ZNF475: variants seen among roughly 807,000 people sequenced by gnomAD.
ZNF475 encodes the protein zinc finger protein 475.
At chr5:122,173,087 T>A in the ZNF475 span, among the ~76,000 whole-genome samples, 1 of 152,190 alleles carries the variant, frequency 6.6e-6, no homozygotes, top group Non-Finnish European at 1.5e-5. Context: ...TTTGTAAAAC[T>A]GCTAGTAATG....
At chr5:122,165,030 A>C in the ZNF475 span, among the ~76,000 whole-genome samples, 1 of 152,216 alleles carries the variant, frequency 6.6e-6, no homozygotes, top group Non-Finnish European at 1.5e-5. Context: ...GGTCATTCCC[A>C]CTGTTAGGGC....
chr5:122,172,543 A>AT, the ZNF475 span, among the ~76,000 whole-genome samples: 426 of 152,238 alleles, frequency 2.8e-3, no homozygotes, highest in African/African-American at 9.0e-3. Context: ...ATACATATGC[A>AT]TTTTTCTGGG....
the ZNF475 span, chr5:122,160,238 C>G: frequency 4.7e-6 from 6 of 1,289,830 alleles, no homozygotes; most frequent in Non-Finnish European, 6.1e-6. Flanking sequence ...CCATGGCTCT[C>G]ACATCGACAG....
the ZNF475 span, among the ~76,000 whole-genome samples, chr5:122,168,582 C>T: frequency 1.3e-5 from 2 of 152,222 alleles, no homozygotes; most frequent in African/African-American, 2.4e-5. Context: ...GCATGGCGGC[C>T]GGCGCCTGTA....
the ZNF475 span, chr5:122,179,823 A>G: frequency 1.1e-6 from 1 of 945,542 alleles, no homozygotes; most frequent in African/African-American, 1.7e-5. Flanking sequence ...ACTTGTTCAA[A>G]CGACCAAAAT....
the ZNF475 span, among the ~76,000 whole-genome samples, chr5:122,166,198 C>G: frequency 6.6e-6 from 1 of 152,124 alleles, no homozygotes; most frequent in Non-Finnish European, 1.5e-5. Flanking sequence ...ACAAGGGGAG[C>G]CTTTCAGTAT....
chr5:122,181,587 C>A, the ZNF475 span, among the ~76,000 whole-genome samples: 1 of 152,066 alleles, frequency 6.6e-6, no homozygotes, highest in Non-Finnish European at 1.5e-5. Flanking sequence ...TTGTGTGAAC[C>A]ATTAGATAGA....
the ZNF475 span, among the ~76,000 whole-genome samples, chr5:122,173,476 G>C: frequency 1.3e-5 from 2 of 152,272 alleles, no homozygotes; most frequent in South Asian, 4.1e-4. Flanking sequence ...ACAATGAAGG[G>C]ATGGATGCCA....
the ZNF475 span, chr5:122,179,842 T>C: frequency 2.7e-6 from 2 of 737,968 alleles, no homozygotes; most frequent in African/African-American, 1.8e-5. Context: ...ATCAACAACA[T>C]TTCTTGCCTT....
the ZNF475 span, among the ~76,000 whole-genome samples, chr5:122,165,963 G>A: frequency 2.6e-5 from 4 of 152,184 alleles, no homozygotes; most frequent in Non-Finnish European, 5.9e-5. Context: ...TACTGCTTTT[G>A]TAATGGTTAC....
chr5:122,166,536 C>G, the ZNF475 span, among the ~76,000 whole-genome samples: 1 of 152,114 alleles, frequency 6.6e-6, no homozygotes, highest in South Asian at 2.1e-4. Flanking sequence ...TGTTCCCCAC[C>G]CTGTGTCCAA....
chr5:122,169,605 C>T, the ZNF475 span, among the ~76,000 whole-genome samples: 2 of 151,976 alleles, frequency 1.3e-5, no homozygotes, highest in Non-Finnish European at 2.9e-5. Flanking sequence ...AGTCTGTAGC[C>T]ACAGAGAACC....
chr5:122,174,137 G>C, the ZNF475 span, among the ~76,000 whole-genome samples: 1 of 152,140 alleles, frequency 6.6e-6, no homozygotes, highest in African/African-American at 2.4e-5. Context: ...CTGCACATTT[G>C]CTAAGAGGGG....
At chr5:122,172,043 C>T in the ZNF475 span, among the ~76,000 whole-genome samples, 1 of 152,308 alleles carries the variant, frequency 6.6e-6, no homozygotes, top group South Asian at 2.1e-4. Context: ...CTGGGCACAG[C>T]CTCTACAATT....
the ZNF475 span, among the ~76,000 whole-genome samples, chr5:122,170,651 T>A: frequency 6.6e-6 from 1 of 151,994 alleles, no homozygotes; most frequent in Admixed American, 6.6e-5. Flanking sequence ...TCTATGGAGG[T>A]TCCATTTCAC....
chr5:122,181,670 T>C, the ZNF475 span, among the ~76,000 whole-genome samples: 23 of 152,324 alleles, frequency 1.5e-4, no homozygotes, highest in African/African-American at 5.3e-4. Flanking sequence ...AAGTAATATG[T>C]TTTTGAGTGC....
the ZNF475 span, among the ~76,000 whole-genome samples, chr5:122,166,337 GT>G: frequency 1.3e-5 from 2 of 151,956 alleles, no homozygotes; most frequent in East Asian, 3.9e-4. Flanking sequence ...AAACTGGTCA[GT>G]TATGTTTCTT....
At chr5:122,172,620 T>G in the ZNF475 span, among the ~76,000 whole-genome samples, 1 of 152,246 alleles carries the variant, frequency 6.6e-6, no homozygotes, top group Non-Finnish European at 1.5e-5. Flanking sequence ...TACCAATTTC[T>G]ATTTCATGAG....
the ZNF475 span, among the ~76,000 whole-genome samples, chr5:122,163,855 T>C: frequency 6.6e-6 from 1 of 152,240 alleles, no homozygotes. Flanking sequence ...TGCCTAAGGA[T>C]AGGCTTCAAG....
Sources: gnomAD v4.1 joint callset for allele counts (sites outside exome capture counted in the v4.1 genomes callset) on GRCh38, gnomAD v4.1.1 for gene constraint, MANE v1.5 for transcripts, NCBI Gene and HGNC (gene_info 2026-07-23, HGNC 2026-07-21) for gene names.